UBE3C: variants seen among roughly 807,000 people sequenced by gnomAD.
The protein encoded by UBE3C is ubiquitin protein ligase E3C.
Under a neutral mutation model 129.4 loss-of-function variants are expected in UBE3C, and 42 were observed. The ratio of observed to expected loss-of-function variants is 0.32; its 90% CI spans 0.25 to 0.42. The LOEUF (loss-of-function observed/expected upper bound fraction) is 0.42, where lower values mean the gene tolerates loss of function less well. UBE3C is among the 10% of genes least tolerant of loss of function. The probability of loss-of-function intolerance (pLI) is 1.00; values close to 1 mark genes in which losing one functional copy is unlikely to be tolerated. For missense variants in UBE3C, 1,049 were observed against 1,319.1 expected, an observed-to-expected ratio of 0.80 and a Z score of 3.17; for synonymous variants, 510 against 492.4, an observed-to-expected ratio of 1.04 and a Z score of -0.47.
chr7:157,185,544 C>T (rs1007955186), intron 9 of UBE3C, among the ~76,000 whole-genome samples: 1 of 152,170 alleles, frequency 6.6e-6, no homozygotes, highest in Non-Finnish European at 1.5e-5. Context: ...GGTTTCACTG[C>T]AAGTCATTCT....
intron 18 of UBE3C, among the ~76,000 whole-genome samples, chr7:157,246,628 C>G (rs551832681): frequency 4.5e-4 from 68 of 152,314 alleles, no homozygotes; most frequent in African/African-American, 1.5e-3. Context: ...CAGCACAGCT[C>G]ATAGTAGTCA....
intron 10 of UBE3C, among the ~76,000 whole-genome samples, chr7:157,199,545 A>G (rs1017337834): frequency 6.7e-6 from 1 of 149,362 alleles, no homozygotes. Context: ...ATCTCGGCTC[A>G]CTGCAACCTC....
chr7:157,208,560 A>G (rs1036730459), intron 13 of UBE3C, among the ~76,000 whole-genome samples: 1 of 152,208 alleles, frequency 6.6e-6, no homozygotes, highest in African/African-American at 2.4e-5. Context: ...TGAAATATAA[A>G]TACAGTTTTT....
At chr7:157,161,962 C>T (rs887369166) in intron 1 of UBE3C, among the ~76,000 whole-genome samples, 2 of 151,658 alleles carry the variant, frequency 1.3e-5, no homozygotes, top group Admixed American at 6.6e-5. Flanking sequence ...CCCAGTTACT[C>T]GGTAGGCTGT....
intron 6 of UBE3C, 139 bp from the exon 7 acceptor site, chr7:157,181,379 A>G: frequency 1.4e-6 from 1 of 708,724 alleles, no homozygotes; most frequent in Non-Finnish European, 2.2e-6. Flanking sequence ...ATATTTGTTT[A>G]GTTTTCCTTG....
chr7:157,219,141 T>A (rs1472637045), intron 14 of UBE3C, among the ~76,000 whole-genome samples: 1 of 152,148 alleles, frequency 6.6e-6, no homozygotes, highest in Non-Finnish European at 1.5e-5. Flanking sequence ...GTGCAGCGCA[T>A]GTCTAGGGTC....
chr7:157,201,004 G>A (rs745590383), intron 10 of UBE3C, among the ~76,000 whole-genome samples: 11 of 151,992 alleles, frequency 7.2e-5, no homozygotes, highest in African/African-American at 2.2e-4. Context: ...ACTTGAGTCC[G>A]TCACTAAATA....
At chr7:157,176,724 C>T (rs947403355) in intron 5 of UBE3C, among the ~76,000 whole-genome samples, 2 of 152,104 alleles carry the variant, frequency 1.3e-5, no homozygotes, top group Non-Finnish European at 2.9e-5. Context: ...GTAAGCAGCC[C>T]GTTTTTCTTG....
In UBE3C at chr7:157,225,528, C is replaced by G; in HGVS notation, c.2222C>G (p.Ser741Cys). 6.3e-7 allele frequency: 1 copy of G among 1,585,534 alleles called. No individual in the cohort carries two copies. The highest frequency in any genetic ancestry group is 8.5e-7 in the Non-Finnish European group (1 of 1,172,020). ...TATGAAGATGCTTATGACAAACTTT[C>G]TCCAGAAAATGGTATATATAATTCT... ...YIYEDAYDKL[S>C]PENEPDLKKR... The change falls in exon 17 of 23, where the codon TCT becomes TGT. Residue 741 changes from serine to cysteine, a missense_variant. Around this residue, in one of 4 missense-constraint regions of UBE3C, gnomAD observed 314 missense variants for 416.9 expected, o/e 0.75. Transcript: ENST00000348165.
chr7:157,229,522 A>C (rs1032800307), intron 17 of UBE3C, among the ~76,000 whole-genome samples: 6 of 152,084 alleles, frequency 3.9e-5, no homozygotes, highest in Non-Finnish European at 8.8e-5. Context: ...TCACCATGTT[A>C]GTCAGGCTGG....
intron 17 of UBE3C, among the ~76,000 whole-genome samples, chr7:157,229,613 G>A (rs909615835): frequency 2.7e-5 from 4 of 150,278 alleles, no homozygotes; most frequent in South Asian, 2.1e-4. Context: ...CACTGCACCC[G>A]GCCTGTTTTT....
intron 1 of UBE3C, among the ~76,000 whole-genome samples, chr7:157,141,981 G>A (rs1489337628): frequency 2.6e-5 from 4 of 152,178 alleles, no homozygotes; most frequent in Admixed American, 1.3e-4. Context: ...TGTGCACACC[G>A]CTGCCACAGT....
intron 14 of UBE3C, among the ~76,000 whole-genome samples, chr7:157,219,052 A>G (rs1358221160): frequency 6.6e-6 from 1 of 152,208 alleles, no homozygotes; most frequent in African/African-American, 2.4e-5. Context: ...CCAATACTAC[A>G]TGAAAAGGAT....
In UBE3C at chr7:157,257,507, G is replaced by A. The variant is rs544583823; in HGVS notation, c.3081+463G>A. Among the ~76,000 whole-genome samples the A allele has an allele frequency of 1.1e-4, 16 of 152,100 alleles. No homozygotes were observed. The South Asian group carries it at 1.2e-3, about 12-fold the overall frequency. ...TTAGCAATTAAAATTGCCTCAGGCA[G>A]ATGGATCATTTGAAGTCAGGAGTTC... On this transcript the variant is annotated intron_variant, in intron 22 of 22. Coordinates refer to ENST00000348165, the MANE Select transcript of UBE3C (RefSeq NM_014671.3).
At chr7:157,245,784 A>G (rs1257788440) in intron 18 of UBE3C, among the ~76,000 whole-genome samples, 1 of 152,134 alleles carries the variant, frequency 6.6e-6, no homozygotes, top group Non-Finnish European at 1.5e-5. Flanking sequence ...TTCAGTCAGG[A>G]GTTCGAGACC....
chr7:157,231,514 C>G (rs1796021118), intron 18 of UBE3C, 187 bp downstream of exon 18: 1 of 754,670 alleles, frequency 1.3e-6, no homozygotes, highest in East Asian at 2.8e-5. Context: ...TTTGAATGTC[C>G]CCTCCAAACT....
At chr7:157,267,496 G>A in intron 22 of UBE3C, 89 bp from the exon 23 acceptor site, 1 of 1,457,636 alleles carries the variant, frequency 6.9e-7, no homozygotes, top group South Asian at 1.2e-5. Flanking sequence ...TTTACTGATT[G>A]GAGCAGGCAC....
intron 1 of UBE3C, among the ~76,000 whole-genome samples, chr7:157,157,241 A>G (rs1307157856): frequency 1.3e-5 from 2 of 152,226 alleles, no homozygotes; most frequent in Non-Finnish European, 1.5e-5. Flanking sequence ...TGCTGTGCAT[A>G]TAATCCTAAG....
At chr7:157,141,804 T>C (rs7807856) in intron 1 of UBE3C, among the ~76,000 whole-genome samples, 72,312 of 152,094 alleles carry the variant, frequency 0.48, 19,808 homozygotes, top group African/African-American at 0.77. Context: ...TGCTTTGGCT[T>C]GGCTTCTGTC....
Sources: gnomAD v4.1 joint callset for allele counts (sites outside exome capture counted in the v4.1 genomes callset) on GRCh38, gnomAD v4.1.1 for gene constraint, gnomAD v4.1.1 regional missense constraint, MANE v1.5 for transcripts, NCBI Gene and HGNC (gene_info 2026-07-23, HGNC 2026-07-21) for gene names.